SIPA1L3: variants seen among roughly 807,000 people sequenced by gnomAD.
SIPA1L3 encodes signal-induced proliferation-associated 1-like protein 3.
A neutral mutation model predicts 150.1 loss-of-function variants in SIPA1L3; 59 were observed. The ratio of observed to expected loss-of-function variants is 0.39; its 90% CI spans 0.32 to 0.49. The LOEUF is 0.49. SIPA1L3 is among the 20% of genes least tolerant of loss of function. The pLI, the probability that SIPA1L3 is intolerant of heterozygous loss-of-function variation, is 0.86. For synonymous variants in SIPA1L3, 1,070 were observed against 1,077.6 expected (o/e 0.99, Z 0.14); for missense variants, 2,211 against 2,489.5 (o/e 0.89, Z 2.38).
At chr19:37,985,205 T>C (rs1967316733) in intron 1 of SIPA1L3, among the ~76,000 whole-genome samples, 1 of 151,730 alleles carries the variant, frequency 6.6e-6, no homozygotes, top group Admixed American at 6.6e-5. Flanking sequence ...TTTCTTTTTT[T>C]TTTTTTTTGA....
chr19:38,011,960 A>T (rs1485287736), intron 1 of SIPA1L3, among the ~76,000 whole-genome samples: 1 of 151,980 alleles, frequency 6.6e-6, no homozygotes, highest in East Asian at 1.9e-4. Flanking sequence ...GCTGTGGAGG[A>T]TGAGGGAAGG....
intron 2 of SIPA1L3, among the ~76,000 whole-genome samples, chr19:38,040,520 C>T (rs545334763): frequency 3.3e-5 from 5 of 152,194 alleles, no homozygotes; most frequent in African/African-American, 4.8e-5. Flanking sequence ...GTTATATAAT[C>T]GCCTGTTTGT....
At position 38,065,915 on chromosome 19, in the gene SIPA1L3, CTATTTATTTATT is replaced by C. The variant is rs56132149; in HGVS notation, c.-310-15319_-310-15308del. On this transcript the variant is annotated intron_variant, in intron 2 of 21. Transcript: ENST00000222345. ...CGGGTTTGATCTCTTATTTATTTAT[CTATTTATTTATT>C]TATTTATTTATTTATTTATTTTTGA... is the stretch of plus-strand genomic sequence containing the variant. Among the ~76,000 whole-genome samples, 18 of 127,702 alleles carry C rather than the reference CTATTTATTTATT, an allele frequency of 1.4e-4. No individual in the cohort carries two copies. The East Asian group carries it at 2.5e-3, about 18-fold the overall frequency. The allele number at this position is 127,702 out of a possible 152,430, so 83.8% of individuals were successfully genotyped here. A position where few individuals can be genotyped will look rare whatever the true frequency, so the allele number is the denominator to read the frequency against.
chr19:38,183,051 G>C, intron 16 of SIPA1L3: 1 of 310,202 alleles, frequency 3.2e-6, no homozygotes, highest in Non-Finnish European at 5.9e-6. Context: ...GAGGTCCTGA[G>C]GCAGTGAGTG....
intron 15 of SIPA1L3, among the ~76,000 whole-genome samples, chr19:38,169,911 G>T (rs1972289588): frequency 6.6e-6 from 1 of 152,106 alleles, no homozygotes; most frequent in African/African-American, 2.4e-5. Context: ...CTGCGAAGAG[G>T]GGTCAGGGTA....
intron 1 of SIPA1L3, among the ~76,000 whole-genome samples, chr19:38,000,896 A>T (rs1297326941): frequency 1.5e-4 from 3 of 19,608 alleles, no homozygotes; most frequent in Admixed American, 4.7e-4. Flanking sequence ...TATATATGTT[A>T]TATATATATA....
At chr19:38,171,877 G>C (rs566517599) in intron 15 of SIPA1L3, among the ~76,000 whole-genome samples, 2 of 152,180 alleles carry the variant, frequency 1.3e-5, no homozygotes, top group African/African-American at 4.8e-5. Context: ...ACTCCATCCT[G>C]GGTGACAGAG....
chr19:38,120,031 G>A, intron 9 of SIPA1L3, 149 bp downstream of exon 9: 1 of 607,656 alleles, frequency 1.6e-6, no homozygotes, highest in Non-Finnish European at 2.8e-6. Context: ...TAGACATCTT[G>A]TGGGTTCTGT....
At chr19:38,045,659 G>A (rs1381152731) in intron 2 of SIPA1L3, among the ~76,000 whole-genome samples, 1 of 152,112 alleles carries the variant, frequency 6.6e-6, no homozygotes, top group Non-Finnish European at 1.5e-5. Flanking sequence ...GGCTGGGGTG[G>A]GCGTGGGAGT....
intron 2 of SIPA1L3, among the ~76,000 whole-genome samples, chr19:38,063,270 C>T (rs562795006): frequency 6.6e-6 from 1 of 152,248 alleles, no homozygotes; most frequent in South Asian, 2.1e-4. Flanking sequence ...ACCGCCCCCG[C>T]CGGCCCCCAG....
At chr19:37,989,403 A>G (rs532519006) in intron 1 of SIPA1L3, among the ~76,000 whole-genome samples, 2 of 152,208 alleles carry the variant, frequency 1.3e-5, no homozygotes, top group African/African-American at 4.8e-5. Context: ...AAAAATATTT[A>G]GTAGAGACGG....
In SIPA1L3 at chr19:38,021,188, C is replaced by T. The variant is rs189947126; in HGVS notation, c.-378-7901C>T. On this transcript the variant is annotated intron_variant, in intron 1 of 21. Transcript: ENST00000222345. ...GGGTGGTGGCACAGCACGTGGCCCC[C>T]GGCTGCAGCAGGTGTTTCAGTTAGG... 3.1e-3 allele frequency among the ~76,000 whole-genome samples: 471 copies of T among 152,308 alleles called. 1 individual carries two copies. The highest frequency in any genetic ancestry group is 5.6e-3 in the Non-Finnish European group (383 of 68,028).
intron 2 of SIPA1L3, among the ~76,000 whole-genome samples, chr19:38,034,809 T>C (rs1403456582): frequency 6.6e-6 from 1 of 152,196 alleles, no homozygotes; most frequent in Non-Finnish European, 1.5e-5. Context: ...AAACTATACC[T>C]GTGCTTTTAG....
At chr19:38,140,553 T>C (rs2099340) in intron 10 of SIPA1L3, among the ~76,000 whole-genome samples, 100,371 of 152,118 alleles carry the variant, frequency 0.66, 34,596 homozygotes, top group African/African-American at 0.86. Flanking sequence ...CAGGCAGGTC[T>C]GTCGAGGACA....
chr19:37,933,220 T>G (rs2046571324), intron 1 of SIPA1L3, among the ~76,000 whole-genome samples: 2 of 150,100 alleles, frequency 1.3e-5, no homozygotes, highest in Admixed American at 1.3e-4. Flanking sequence ...CCAGCTGCAC[T>G]GGCCTCCTGC....
intron 10 of SIPA1L3, among the ~76,000 whole-genome samples, chr19:38,134,108 C>G (rs537821980): frequency 1.3e-5 from 2 of 151,932 alleles, no homozygotes; most frequent in South Asian, 4.2e-4. Flanking sequence ...CTCATCCTCC[C>G]GAGTAGCTGG....
chr19:38,206,205 G>T lies in SIPA1L3; in HGVS notation c.5311G>T (p.Ala1771Ser). The change falls in exon 22 of 22, where the codon GCG becomes TCG. Residue 1771 changes from alanine (A) to serine (S), a missense_variant. Around this residue, in one of 5 missense-constraint regions of SIPA1L3, gnomAD observed 63 missense variants for 106.1 expected, o/e 0.59. Coordinates refer to ENST00000222345, the MANE Select transcript of SIPA1L3 (RefSeq NM_015073.3). Reference sequence around the variant, plus strand: ...CGCCAGCGAGCAGCTGCGCAAGTTTGCGGAGATCTTCTGCAGGGAGAAGAA... The same window carrying T: ...CGCCAGCGAGCAGCTGCGCAAGTTTTCGGAGATCTTCTGCAGGGAGAAGAA... ...QAASEQLRKF[A>S]EIFCREKKEL 6.4e-7 allele frequency: 1 copy of T among 1,562,602 alleles called. No homozygotes were observed. Among genetic ancestry groups the T allele is most frequent in the Non-Finnish European group, 8.7e-7 (1 of 1,153,352 alleles).
At chr19:38,162,149 G>T (rs571930249) in intron 13 of SIPA1L3, 104 bp from the exon 14 acceptor site, 1 of 802,828 alleles carries the variant, frequency 1.2e-6, no homozygotes, top group South Asian at 1.5e-5. Flanking sequence ...TAAATTGATG[G>T]GGTCATGCCG....
In SIPA1L3 at chr19:38,067,250, C is replaced by A. The variant is rs562238457; in HGVS notation, c.-310-14006C>A. 3.3e-5 allele frequency among the ~76,000 whole-genome samples: 5 copies of A among 152,136 alleles called. No individual in the cohort carries two copies. In the East Asian group the frequency reaches 9.7e-4, roughly 29 times the overall value. ...TAATTTAAAATTTTGATGCACAGTT[C>A]TAACTTATTCTTTCTATTCCCCCAA... On this transcript the variant is annotated intron_variant, in intron 2 of 21. Coordinates refer to ENST00000222345, the MANE Select transcript of SIPA1L3 (RefSeq NM_015073.3).
Sources: gnomAD v4.1 joint callset for allele counts (sites outside exome capture counted in the v4.1 genomes callset) on GRCh38, gnomAD v4.1.1 for gene constraint, gnomAD v4.1.1 regional missense constraint, MANE v1.5 for transcripts, NCBI Gene and HGNC (gene_info 2026-07-23, HGNC 2026-07-21) for gene names.